Variants in CACNA1C observed in about 807,000 individuals in gnomAD.
CACNA1C encodes the protein calcium voltage-gated channel subunit alpha1 C, also known as voltage-dependent L-type calcium channel subunit alpha-1C.
In CACNA1C, 30 loss-of-function variants were observed where a neutral mutation model predicts 229.0. The observed-to-expected ratio is 0.13, with a 90% CI of 0.10 to 0.18. CACNA1C has a LOEUF of 0.18. CACNA1C is among the 10% of genes least tolerant of loss of function. The probability of loss-of-function intolerance (pLI) is 1.00; values close to 1 mark genes in which losing one functional copy is unlikely to be tolerated. For missense variants in CACNA1C, 1,658 were observed against 2,845.0 expected, an observed-to-expected ratio of 0.58 and a Z score of 9.49; for synonymous variants, 1,114 against 1,132.5, an observed-to-expected ratio of 0.98 and a Z score of 0.33.
intron 3 of CACNA1C, among the ~76,000 whole-genome samples, chr12:2,438,565 G>T (rs1443736175): frequency 1.3e-5 from 2 of 152,008 alleles, no homozygotes; most frequent in South Asian, 2.1e-4. Context: ...GAAGAAAGCT[G>T]CCGGAAACAG....
At chr12:2,580,788 A>G (rs2060206642) in intron 13 of CACNA1C, among the ~76,000 whole-genome samples, 1 of 152,086 alleles carries the variant, frequency 6.6e-6, no homozygotes, top group African/African-American at 2.4e-5. Context: ...GCTCCTGCCC[A>G]CTCAGAGGAC....
intron 3 of CACNA1C, among the ~76,000 whole-genome samples, chr12:2,180,578 A>G (rs1364722333): frequency 6.6e-6 from 1 of 152,152 alleles, no homozygotes; most frequent in African/African-American, 2.4e-5. Context: ...GGGGCATGTG[A>G]CTACAGTGGC....
At position 2,405,629 on chromosome 12, in the gene CACNA1C, A is replaced by G. The variant is rs565519787; in HGVS notation, c.478-43347A>G. Among the ~76,000 whole-genome samples, 5 of 152,300 alleles carry G rather than the reference A, an allele frequency of 3.3e-5. No homozygotes were observed. In the East Asian group the frequency reaches 9.6e-4, roughly 29 times the overall value. On this transcript the variant is annotated intron_variant, in intron 3 of 46. Coordinates refer to ENST00000399655, the MANE Select transcript of CACNA1C (RefSeq NM_000719.7). ...GGTTGCTCTAAGTATTACATTATAT[A>G]TACATAATTTATCAGTCTACTGGTA...
Position 2,691,511 on chromosome 12 carries a change from C to A in CACNA1C, c.*312C>A. 3.2e-6 allele frequency: 1 copy of A among 313,016 alleles called. No individual in the cohort carries two copies. The allele number at this position is 313,016 out of a possible 1,614,324, so 19.4% of individuals were successfully genotyped here. Reference sequence around the variant, plus strand: ...GGGGAGAGCACCCCGGCTTCCCGCGCGCCCTCACCAAAAGGACCCTACAGC... The same window carrying A: ...GGGGAGAGCACCCCGGCTTCCCGCGAGCCCTCACCAAAAGGACCCTACAGC... On this transcript the variant is annotated 3_prime_UTR_variant, in exon 47 of 47. Coordinates refer to ENST00000399655, the MANE Select transcript of CACNA1C (RefSeq NM_000719.7).
chr12:2,242,385 C>T lies in CACNA1C; in HGVS notation c.477+121955C>T, dbSNP rs144110899. On this transcript the variant is annotated intron_variant, in intron 3 of 46. Coordinates refer to ENST00000399655, the MANE Select transcript of CACNA1C (RefSeq NM_000719.7). Reference sequence around the variant, plus strand: ...TCCGTGCTGGAGGAACAATGGGGGACCAGGGTAACTGTGATGAACTGAAAT... The same window carrying T: ...TCCGTGCTGGAGGAACAATGGGGGATCAGGGTAACTGTGATGAACTGAAAT... Among the ~76,000 whole-genome samples, 1,291 of 152,186 alleles carry T rather than the reference C, an allele frequency of 8.5e-3. 12 individuals are homozygous for T. Among genetic ancestry groups the T allele is most frequent in the Non-Finnish European group, 0.013 (874 of 68,010 alleles).
chr12:2,075,896 G>A (rs887938414), intron 1 of CACNA1C, among the ~76,000 whole-genome samples: 1 of 152,142 alleles, frequency 6.6e-6, no homozygotes, highest in Non-Finnish European at 1.5e-5. Context: ...TATAAACAGG[G>A]GTTGGTATAT....
intron 29 of CACNA1C, among the ~76,000 whole-genome samples, chr12:2,629,229 T>C (rs752618891): frequency 5.3e-5 from 8 of 152,244 alleles, no homozygotes; most frequent in Non-Finnish European, 1.0e-4. Flanking sequence ...TTTTAAGCGA[T>C]TGCACACAGA....
At chr12:2,227,702 T>C (rs2063436182) in intron 3 of CACNA1C, among the ~76,000 whole-genome samples, 2 of 152,196 alleles carry the variant, frequency 1.3e-5, no homozygotes, top group Admixed American at 1.3e-4. Flanking sequence ...AGTTTTTGGT[T>C]TGACCTACTA....
At chr12:2,220,379 A>G (rs2154349305) in intron 3 of CACNA1C, among the ~76,000 whole-genome samples, 1 of 152,300 alleles carries the variant, frequency 6.6e-6, no homozygotes, top group South Asian at 2.1e-4. Flanking sequence ...AGGCTCAGGC[A>G]TGGGGAACTG....
At chr12:2,386,714 T>C (rs943685058) in intron 3 of CACNA1C, among the ~76,000 whole-genome samples, 2 of 152,200 alleles carry the variant, frequency 1.3e-5, no homozygotes, top group African/African-American at 4.8e-5. Context: ...ATTATGTGTC[T>C]CTATCTCCAC....
At chr12:2,259,762 G>T (rs1294033569) in intron 3 of CACNA1C, among the ~76,000 whole-genome samples, 5 of 151,910 alleles carry the variant, frequency 3.3e-5, no homozygotes, top group Non-Finnish European at 4.4e-5. Flanking sequence ...AGCAAGACCT[G>T]GTCTCTACTA....
In CACNA1C at chr12:2,378,474, A is replaced by C. The variant is rs189762068; in HGVS notation, c.478-70502A>C. ...TTACCCATGATTCCTCAAATCATCA[A>C]ACGTAAGCACATAGATGCCAACCAG... is the stretch of plus-strand genomic sequence containing the variant. On this transcript the variant is annotated intron_variant, in intron 3 of 46. Coordinates refer to ENST00000399655, the MANE Select transcript of CACNA1C (RefSeq NM_000719.7). Among the ~76,000 whole-genome samples, 6 of 152,330 alleles carry C rather than the reference A, an allele frequency of 3.9e-5. No homozygotes were observed. In the East Asian group the frequency reaches 1.2e-3, roughly 29 times the overall value.
intron 1 of CACNA1C, among the ~76,000 whole-genome samples, chr12:1,988,478 T>A (rs764478485): frequency 6.6e-6 from 1 of 152,336 alleles, no homozygotes; most frequent in South Asian, 2.1e-4. Context: ...CAATGCGTGG[T>A]ATAGCCAACA....
At chr12:2,414,150 A>G (rs1190251794) in intron 3 of CACNA1C, among the ~76,000 whole-genome samples, 1 of 152,088 alleles carries the variant, frequency 6.6e-6, no homozygotes. Context: ...TAGTTGCCTT[A>G]TCTGTAAGAT....
At chr12:2,385,266 G>A (rs551676246) in intron 3 of CACNA1C, among the ~76,000 whole-genome samples, 2 of 152,088 alleles carry the variant, frequency 1.3e-5, no homozygotes, top group Non-Finnish European at 2.9e-5. Flanking sequence ...CAGGAAGACC[G>A]GCCCCCTCAG....
intron 3 of CACNA1C, among the ~76,000 whole-genome samples, chr12:2,138,022 AGCT>A (rs2154187159): frequency 6.6e-6 from 1 of 151,664 alleles, no homozygotes; most frequent in South Asian, 2.1e-4. Context: ...CAGCGAGTGT[AGCT>A]GCTGAGTAGT....
intron 9 of CACNA1C, among the ~76,000 whole-genome samples, chr12:2,542,098 T>C (rs564516404): frequency 6.6e-6 from 1 of 152,208 alleles, no homozygotes; most frequent in African/African-American, 2.4e-5. Flanking sequence ...ATTTTGCTCA[T>C]TGTTTCCTTC....
chr12:2,057,225 A>G (rs557017245), intron 1 of CACNA1C, among the ~76,000 whole-genome samples: 2 of 152,282 alleles, frequency 1.3e-5, no homozygotes, highest in South Asian at 4.1e-4. Context: ...GAGCATACTG[A>G]CTGGAGATTT....
chr12:2,153,662 G>A (rs957830496), intron 3 of CACNA1C, among the ~76,000 whole-genome samples: 1 of 152,148 alleles, frequency 6.6e-6, no homozygotes, highest in African/African-American at 2.4e-5. Context: ...GTGTTGACAG[G>A]GACCATGAGG....
Sources: gnomAD v4.1 joint callset for allele counts (sites outside exome capture counted in the v4.1 genomes callset) on GRCh38, gnomAD v4.1.1 for gene constraint, MANE v1.5 for transcripts, NCBI Gene and HGNC (gene_info 2026-07-23, HGNC 2026-07-21) for gene names.